Variants in TCF7L2 observed in about 807,000 individuals in gnomAD.
TCF7L2 encodes transcription factor 7 like 2.
Under a neutral mutation model 77.9 loss-of-function variants are expected in TCF7L2, and 23 were observed. That is an observed-to-expected ratio of 0.30 (90% CI 0.21 to 0.42). The LOEUF (loss-of-function observed/expected upper bound fraction) is 0.42, where lower values mean the gene tolerates loss of function less well. Ranked by LOEUF, TCF7L2 falls within the 10% of genes least tolerant of loss-of-function variation. The pLI is 1.00. For synonymous variants in TCF7L2, 413 were observed against 340.2 expected (o/e 1.21, Z -2.36); for missense variants, 654 against 793.1 (o/e 0.82, Z 2.11).
intron 4 of TCF7L2, among the ~76,000 whole-genome samples, chr10:113,002,993 A>G (rs1370358557): frequency 1.3e-5 from 2 of 152,242 alleles, no homozygotes; most frequent in Non-Finnish European, 2.9e-5. Flanking sequence ...CAAAAATAAA[A>G]GGAAATATTT....
At chr10:112,989,412 G>T (rs1424908795) in intron 4 of TCF7L2, among the ~76,000 whole-genome samples, 1 of 151,608 alleles carries the variant, frequency 6.6e-6, no homozygotes, top group Non-Finnish European at 1.5e-5. Flanking sequence ...TTACATGCTG[G>T]GTTTCTTCTA....
intron 4 of TCF7L2, among the ~76,000 whole-genome samples, chr10:112,980,615 CG>C (rs1328308092): frequency 6.6e-6 from 1 of 151,754 alleles, no homozygotes; most frequent in Admixed American, 6.6e-5. Flanking sequence ...TGGAATCCAG[CG>C]GCATTTGTTT....
At chr10:113,040,532 A>G (rs965123163) in intron 5 of TCF7L2, among the ~76,000 whole-genome samples, 2 of 152,212 alleles carry the variant, frequency 1.3e-5, no homozygotes, top group African/African-American at 2.4e-5. Context: ...AAACTTGCCT[A>G]TTATCCTCTC....
intron 5 of TCF7L2, among the ~76,000 whole-genome samples, chr10:113,111,258 T>G (rs879663445): frequency 2.6e-4 from 39 of 152,170 alleles, no homozygotes; most frequent in Non-Finnish European, 4.9e-4. Context: ...TTTTGACAGT[T>G]GTAAATAATT....
chr10:113,035,783 G>A (rs1316796204), intron 4 of TCF7L2, among the ~76,000 whole-genome samples: 1 of 152,252 alleles, frequency 6.6e-6, no homozygotes, highest in African/African-American at 2.4e-5. Flanking sequence ...TCACATTTCA[G>A]TATCTGTAAA....
At chr10:113,068,812 A>G (rs908417239) in intron 5 of TCF7L2, among the ~76,000 whole-genome samples, 1 of 149,766 alleles carries the variant, frequency 6.7e-6, no homozygotes, top group Non-Finnish European at 1.5e-5. Context: ...GCTTCTGCGC[A>G]CTCTGAACTT....
In TCF7L2 at chr10:112,951,114, C is replaced by G. The variant is rs969835874; in HGVS notation, c.190-93C>G. On this transcript the variant is annotated intron_variant, in intron 1 of 13. Transcript: ENST00000627217. Reference sequence around the variant, plus strand: ...CTTGTAACCCTGTTTTTTTCTACCCCCCCCTCGACCTCGCCGATTCTTTTT... The same window carrying G: ...CTTGTAACCCTGTTTTTTTCTACCCGCCCCTCGACCTCGCCGATTCTTTTT... The G allele has an allele frequency of 1.9e-5, 24 of 1,276,406 alleles. No individual in the cohort carries two copies. In the East Asian group the frequency reaches 3.3e-4, roughly 18 times the overall value. The allele number at this position is 1,276,406 out of a possible 1,614,324, so 79.1% of individuals were successfully genotyped here.
intron 4 of TCF7L2, among the ~76,000 whole-genome samples, chr10:112,965,818 A>G (rs1053097397): frequency 6.6e-6 from 1 of 152,146 alleles, no homozygotes; most frequent in Non-Finnish European, 1.5e-5. Context: ...GTCAGCAGAC[A>G]TTTTTATTTG....
chr10:112,984,368 G>A (rs967424581), intron 4 of TCF7L2, among the ~76,000 whole-genome samples: 3 of 152,054 alleles, frequency 2.0e-5, no homozygotes, highest in East Asian at 1.9e-4. Flanking sequence ...CTTAGGCTGC[G>A]GAAGGCCTGT....
At chr10:113,081,042 G>A (rs2059269898) in intron 5 of TCF7L2, among the ~76,000 whole-genome samples, 2 of 152,264 alleles carry the variant, frequency 1.3e-5, no homozygotes, top group Admixed American at 6.5e-5. Flanking sequence ...AGGGGAGGAG[G>A]GCGCTGTTTA....
chr10:113,027,523 C>CT (rs1482159239), intron 4 of TCF7L2, among the ~76,000 whole-genome samples: 1 of 152,046 alleles, frequency 6.6e-6, no homozygotes, highest in Non-Finnish European at 1.5e-5. Flanking sequence ...TCTAGTCAGT[C>CT]TATGTATACA....
intron 5 of TCF7L2, among the ~76,000 whole-genome samples, chr10:113,104,503 G>A (rs1324865460): frequency 6.6e-5 from 10 of 152,086 alleles, no homozygotes; most frequent in African/African-American, 9.7e-5. Flanking sequence ...CCCTAACGCC[G>A]TCTCCCAGCC....
At chr10:113,122,771 A>G (rs17759507) in intron 5 of TCF7L2, among the ~76,000 whole-genome samples, 24,878 of 152,218 alleles carry the variant, frequency 0.16, 2,428 homozygotes, top group Middle Eastern at 0.32. Context: ...AGTTTTAGGT[A>G]CAAAATGGAA....
chr10:113,028,902 C>T (rs146585586), intron 4 of TCF7L2, among the ~76,000 whole-genome samples: 2 of 152,182 alleles, frequency 1.3e-5, no homozygotes, highest in South Asian at 4.1e-4. Context: ...GGCTTTGTAC[C>T]TCTCAAAGGT....
chr10:112,994,272 A>G (rs1422562220), intron 4 of TCF7L2, among the ~76,000 whole-genome samples: 3 of 152,146 alleles, frequency 2.0e-5, no homozygotes, highest in African/African-American at 7.2e-5. Flanking sequence ...AGCCCCTGGC[A>G]ATCACTGTGG....
chr10:113,083,572 T>G (rs1035916998), intron 5 of TCF7L2, among the ~76,000 whole-genome samples: 2 of 152,184 alleles, frequency 1.3e-5, no homozygotes, highest in African/African-American at 4.8e-5. Flanking sequence ...GAGGTGAGAA[T>G]TATCGATGGT....
At chr10:113,157,774 A>C in intron 11 of TCF7L2, 1 of 452,312 alleles carries the variant, frequency 2.2e-6, no homozygotes, top group Admixed American at 3.5e-5. Flanking sequence ...ATGAGAAATG[A>C]GAGCTTCCCT....
chr10:113,040,213 C>G, intron 5 of TCF7L2, 87 bp downstream of exon 5: 1 of 1,137,796 alleles, frequency 8.8e-7, no homozygotes, highest in Non-Finnish European at 1.3e-6. Context: ...CCTTATTTGT[C>G]ATTTTTTTCT....
At chr10:112,991,704 G>A (rs2042581914) in intron 4 of TCF7L2, among the ~76,000 whole-genome samples, 1 of 152,142 alleles carries the variant, frequency 6.6e-6, no homozygotes, top group African/African-American at 2.4e-5. Context: ...GCAGGCTGCT[G>A]CTGTTTTCCT....
Sources: allele counts gnomAD v4.1 joint callset (sites outside exome capture counted in the v4.1 genomes callset), GRCh38; gene constraint gnomAD v4.1.1; transcripts MANE v1.5; gene names NCBI Gene and HGNC (gene_info 2026-07-23, HGNC 2026-07-21).